FSHR: variants seen among roughly 807,000 people sequenced by gnomAD.
FSHR encodes the protein follicle-stimulating hormone receptor.
In FSHR, 46 loss-of-function variants were observed where a neutral mutation model predicts 52.1. The ratio of observed to expected loss-of-function variants is 0.88; its 90% CI spans 0.70 to 1.13. The LOEUF is 1.13. FSHR is among the 50% of genes most tolerant of loss of function. FSHR has a pLI of 0.00. For synonymous variants in FSHR, 399 were observed against 309.6 expected (o/e 1.29, Z -3.03); for missense variants, 964 against 834.6 (o/e 1.16, Z -1.91).
chr2:49,147,560 G>A (rs1672914047), intron 1 of FSHR, among the ~76,000 whole-genome samples: 1 of 152,000 alleles, frequency 6.6e-6, no homozygotes, highest in African/African-American at 2.4e-5. Flanking sequence ...GCAGTTCTCT[G>A]CTATCAAACC....
At chr2:48,989,902 T>C (rs755753812) in intron 5 of FSHR, among the ~76,000 whole-genome samples, 37 of 152,178 alleles carry the variant, frequency 2.4e-4, no homozygotes, top group Non-Finnish European at 4.1e-4. Flanking sequence ...GCTGTACAAG[T>C]AGTGTAGTAA....
rs576348236 is a variant in FSHR at position 49,123,257 on chromosome 2, T to A, written c.152+31009A>T. ...GGTTCACATCTATAATCCTAGCACT[T>A]TGGGAGGCTGAGGCGGGCAGATTGC... On this transcript the variant is annotated intron_variant, in intron 1 of 9. Coordinates refer to ENST00000406846, the MANE Select transcript of FSHR (RefSeq NM_000145.4). Among the ~76,000 whole-genome samples the A allele has an allele frequency of 3.9e-5, 6 of 152,240 alleles. No homozygotes were observed. The South Asian group carries it at 1.2e-3, about 32-fold the overall frequency.
intron 2 of FSHR, among the ~76,000 whole-genome samples, chr2:49,038,328 A>G (rs1037959091): frequency 2.6e-5 from 4 of 152,158 alleles, no homozygotes; most frequent in Non-Finnish European, 5.9e-5. Flanking sequence ...GTTAAAAATA[A>G]TACTAGTTTT....
At chr2:49,077,874 G>T (rs1302442969) in intron 1 of FSHR, among the ~76,000 whole-genome samples, 2 of 152,168 alleles carry the variant, frequency 1.3e-5, no homozygotes, top group African/African-American at 4.8e-5. Flanking sequence ...ATCTCCATCT[G>T]AGACCACCTC....
At chr2:49,103,985 T>A (rs1391295194) in intron 1 of FSHR, among the ~76,000 whole-genome samples, 2 of 151,818 alleles carry the variant, frequency 1.3e-5, no homozygotes, top group Non-Finnish European at 2.9e-5. Context: ...TTTTTTTTTT[T>A]ATCCTCTAAA....
chr2:49,093,002 A>T (rs753939406), intron 1 of FSHR, among the ~76,000 whole-genome samples: 2 of 152,180 alleles, frequency 1.3e-5, no homozygotes, highest in Non-Finnish European at 2.9e-5. Context: ...GCATTCTTGG[A>T]ATAAACCCCA....
At chr2:49,084,899 T>A (rs1457959453) in intron 1 of FSHR, among the ~76,000 whole-genome samples, 1 of 152,096 alleles carries the variant, frequency 6.6e-6, no homozygotes, top group East Asian at 1.9e-4. Flanking sequence ...GATTCACAGC[T>A]GAATTCTACC....
chr2:48,981,282 C>A (rs903534534), intron 8 of FSHR, among the ~76,000 whole-genome samples: 1 of 152,178 alleles, frequency 6.6e-6, no homozygotes, highest in Non-Finnish European at 1.5e-5. Context: ...TCTCTATTCC[C>A]ACCCCCAATG....
At chr2:49,032,346 C>A (rs555563498) in intron 2 of FSHR, among the ~76,000 whole-genome samples, 1 of 152,166 alleles carries the variant, frequency 6.6e-6, no homozygotes, top group Non-Finnish European at 1.5e-5. Flanking sequence ...CTCCATAATA[C>A]CAGGCCCCTC....
In FSHR at chr2:49,127,748, TTCTTTCTTCTTCTTCTTCTTC is replaced by T. The variant is rs1558456202; in HGVS notation, c.152+26497_152+26517del. 9.6e-4 allele frequency among the ~76,000 whole-genome samples: 111 copies of T among 116,062 alleles called. 8 individuals carry two copies. Among genetic ancestry groups the T allele is most frequent in the African/African-American group, 3.4e-3 (106 of 31,060 alleles). 76.1% of individuals were successfully genotyped at this position (116,062 alleles called of 152,430 possible). On this transcript the variant is annotated intron_variant, in intron 1 of 9. Transcript: ENST00000406846. ...TTGATTTGTGCATGATTTCTTCTTC[TTCTTTCTTCTTCTTCTTCTTC>T]TTCTTCTTCTTCTTCTTCTTCTTCT...
intron 1 of FSHR, among the ~76,000 whole-genome samples, chr2:49,134,127 A>G (rs1292772365): frequency 1.3e-5 from 2 of 152,240 alleles, no homozygotes; most frequent in South Asian, 2.1e-4. Flanking sequence ...CAGAGTGAAC[A>G]GGCAACCTAC....
chr2:49,078,978 A>G (rs975690677), intron 1 of FSHR, among the ~76,000 whole-genome samples: 5 of 152,180 alleles, frequency 3.3e-5, no homozygotes, highest in African/African-American at 1.2e-4. Flanking sequence ...CCCACAGAAA[A>G]CATCATTGTT....
At chr2:49,029,702 A>G (rs1261608056) in intron 2 of FSHR, among the ~76,000 whole-genome samples, 2 of 152,280 alleles carry the variant, frequency 1.3e-5, no homozygotes, top group East Asian at 3.9e-4. Flanking sequence ...GCTGCTTACT[A>G]TTATTTTTAT....
chr2:49,033,690 C>T (rs1668182182), intron 2 of FSHR, among the ~76,000 whole-genome samples: 1 of 152,068 alleles, frequency 6.6e-6, no homozygotes, highest in South Asian at 2.1e-4. Flanking sequence ...GAGAGCCCTC[C>T]TCCCCCCTGT....
intron 2 of FSHR, among the ~76,000 whole-genome samples, chr2:49,043,964 C>T (rs1164809874): frequency 6.6e-6 from 1 of 152,170 alleles, no homozygotes; most frequent in African/African-American, 2.4e-5. Context: ...AGATCTAACT[C>T]CCACGTCTTT....
chr2:48,969,717 C>A (rs564648516), intron 8 of FSHR, among the ~76,000 whole-genome samples: 1 of 152,336 alleles, frequency 6.6e-6, no homozygotes, highest in Admixed American at 6.5e-5. Context: ...GTAGGAAAGT[C>A]TCTGCCTGTC....
chr2:49,126,051 C>T (rs1402439222), intron 1 of FSHR, among the ~76,000 whole-genome samples: 1 of 152,222 alleles, frequency 6.6e-6, no homozygotes, highest in Non-Finnish European at 1.5e-5. Context: ...TTCCACTACC[C>T]ATGTGGGATT....
chr2:49,049,300 T>C (rs1323445932), intron 2 of FSHR, among the ~76,000 whole-genome samples: 2 of 152,076 alleles, frequency 1.3e-5, no homozygotes, highest in Non-Finnish European at 2.9e-5. Context: ...AAAGGGAAAG[T>C]GTTGCTGAAG....
At chr2:48,975,830 T>C (rs1222243884) in intron 8 of FSHR, among the ~76,000 whole-genome samples, 3 of 152,222 alleles carry the variant, frequency 2.0e-5, no homozygotes, top group Non-Finnish European at 4.4e-5. Flanking sequence ...TTTTTGCACA[T>C]TGATTTTGTA....
Sources: gnomAD v4.1 joint callset for allele counts (sites outside exome capture counted in the v4.1 genomes callset) on GRCh38, gnomAD v4.1.1 for gene constraint, MANE v1.5 for transcripts, NCBI Gene and HGNC (gene_info 2026-07-23, HGNC 2026-07-21) for gene names.